Variants in RBM26 observed in about 807,000 individuals in gnomAD.
RBM26 encodes the protein RNA-binding protein 26.
Under a neutral mutation model 123.6 loss-of-function variants are expected in RBM26, and 30 were observed. That is an observed-to-expected ratio of 0.24 (90% CI 0.18 to 0.33). RBM26 has a LOEUF of 0.33. Ranked by LOEUF, RBM26 falls within the 10% of genes least tolerant of loss-of-function variation. The probability of loss-of-function intolerance (pLI) is 1.00; values close to 1 mark genes in which losing one functional copy is unlikely to be tolerated. For missense variants in RBM26, 947 were observed against 1,203.6 expected (o/e 0.79, Z 3.15); for synonymous variants, 400 against 404.4 (o/e 0.99, Z 0.13).
At chr13:79,385,475 A>C (rs923962361) in intron 1 of RBM26, among the ~76,000 whole-genome samples, 3 of 152,136 alleles carry the variant, frequency 2.0e-5, no homozygotes, top group Non-Finnish European at 4.4e-5. Flanking sequence ...ATAACACTGA[A>C]AACTATTGGC....
At chr13:79,391,031 T>G (rs950760111) in intron 1 of RBM26, among the ~76,000 whole-genome samples, 1 of 152,220 alleles carries the variant, frequency 6.6e-6, no homozygotes, top group African/African-American at 2.4e-5. Flanking sequence ...TTTATAGAGA[T>G]AACTTTGTGT....
intron 9 of RBM26, among the ~76,000 whole-genome samples, chr13:79,361,162 A>C (rs1196333677): frequency 6.6e-6 from 1 of 152,068 alleles, no homozygotes; most frequent in Non-Finnish European, 1.5e-5. Flanking sequence ...TATTTTTCTT[A>C]AACATTTCTA....
Position 79,336,404 on chromosome 13 carries a change from C to T in RBM26, c.2733+698G>A, listed in dbSNP as rs192785826. ...GATTATTTCCTTCATATCTCCAGAGCAACTACTATTAAATATAATGCTGAG... is the reference window on the plus strand; with the variant it reads ...GATTATTTCCTTCATATCTCCAGAGTAACTACTATTAAATATAATGCTGAG... On this transcript the variant is annotated intron_variant, in intron 19 of 21. Coordinates refer to ENST00000438737, the MANE Select transcript of RBM26 (RefSeq NM_001366735.2). Among the ~76,000 whole-genome samples the T allele has an allele frequency of 2.7e-3, 411 of 152,236 alleles. 3 individuals carry two copies. The highest frequency in any genetic ancestry group is 9.5e-3 in the African/African-American group (395 of 41,552).
At chr13:79,324,629 A>G (rs1303433647) in intron 20 of RBM26, among the ~76,000 whole-genome samples, 1 of 151,778 alleles carries the variant, frequency 6.6e-6, no homozygotes, top group Non-Finnish European at 1.5e-5. Context: ...TAAATTTTTC[A>G]TGTACTGGAA....
At chr13:79,339,875 T>C (rs1324062869) in intron 18 of RBM26, among the ~76,000 whole-genome samples, 3 of 152,090 alleles carry the variant, frequency 2.0e-5, no homozygotes, top group Admixed American at 6.5e-5. Context: ...ATGAACACAC[T>C]CTGGGAAGTA....
At chr13:79,358,732 A>G (rs987225398) in intron 10 of RBM26, among the ~76,000 whole-genome samples, 1 of 152,200 alleles carries the variant, frequency 6.6e-6, no homozygotes, top group Non-Finnish European at 1.5e-5. Context: ...ATCCTCTTTT[A>G]GTCAATTTGC....
At chr13:79,375,525 G>A (rs2076602690) in intron 3 of RBM26, among the ~76,000 whole-genome samples, 1 of 151,998 alleles carries the variant, frequency 6.6e-6, no homozygotes, top group Non-Finnish European at 1.5e-5. Context: ...TCCACCAGTA[G>A]GCAAAACTTG....
rs1187717036 is a variant in RBM26 at position 79,392,030 on chromosome 13, TTA to T, written c.72-13125_72-13124del. On this transcript the variant is annotated intron_variant, in intron 1 of 21. Coordinates refer to ENST00000438737, the MANE Select transcript of RBM26 (RefSeq NM_001366735.2). ...TTATATATTATACATTATTATATAA[TTA>T]TATATTATACAATACATTATTATAT... Among the ~76,000 whole-genome samples the T allele has an allele frequency of 2.9e-4, 35 of 122,266 alleles. 3 individuals carry two copies. The highest frequency in any genetic ancestry group is 1.3e-3 in the South Asian group (5 of 3,876). The allele number at this position is 122,266 out of a possible 152,430, so 80.2% of individuals were successfully genotyped here.
chr13:79,312,560 G>A (rs1431173169), exon 5 of RBM26: 1 of 151,948 alleles, frequency 6.6e-6, no homozygotes, highest in Non-Finnish European at 1.5e-5. Context: ...AGCAAAGCAG[G>A]ATTACATATT....
At position 79,371,119 on chromosome 13, in the gene RBM26, C is replaced by G; in HGVS notation, c.460G>C (p.Asp154His). 6.2e-7 allele frequency: 1 copy of G among 1,614,146 alleles called. No individual in the cohort carries two copies. Among genetic ancestry groups the G allele is most frequent in the Non-Finnish European group, 8.5e-7 (1 of 1,180,030 alleles). The change falls in exon 5 of 22, where the codon GAT becomes CAT. Residue 154 changes from aspartate (D) to histidine (H), a missense_variant. Transcript: ENST00000438737. ...CTTCGAGGAGGGTTTCGATCATAAT[C>G]TCTTTTGCGAGAACGATCATCTTTT... ...RKKDDRSRKR[D>H]YDRNPPRRDS...
At chr13:79,344,110 T>A in intron 16 of RBM26, 138 bp downstream of exon 16, 2 of 692,904 alleles carry the variant, frequency 2.9e-6, no homozygotes, top group Non-Finnish European at 5.3e-6. Flanking sequence ...GCTCTTCATC[T>A]CCAATATTAT....
intron 20 of RBM26, among the ~76,000 whole-genome samples, 163 bp downstream of exon 20, chr13:79,334,181 C>A (rs894922254): frequency 6.6e-6 from 1 of 152,152 alleles, no homozygotes; most frequent in Non-Finnish European, 1.5e-5. Flanking sequence ...TTGCTTATAA[C>A]TGCATTAGGA....
At chr13:79,354,356 C>T in intron 13 of RBM26, 83 bp downstream of exon 13, 2 of 1,133,030 alleles carry the variant, frequency 1.8e-6, no homozygotes, top group Non-Finnish European at 2.4e-6. Flanking sequence ...AAAATATATA[C>T]AATTAACTAT....
intron 1 of RBM26, among the ~76,000 whole-genome samples, chr13:79,387,123 G>A (rs372147571): frequency 1.6e-4 from 25 of 152,008 alleles, no homozygotes; most frequent in Middle Eastern, 3.4e-3. Context: ...ACACTTTTCC[G>A]GTCATGAATC....
chr13:79,393,797 G>T (rs538757517), intron 1 of RBM26, among the ~76,000 whole-genome samples: 30 of 152,170 alleles, frequency 2.0e-4, no homozygotes, highest in Non-Finnish European at 3.7e-4. Flanking sequence ...TGGGCAGGAG[G>T]CTCACGAGAA....
intron 3 of RBM26, among the ~76,000 whole-genome samples, chr13:79,373,434 T>A (rs369024045): frequency 0.023 from 334 of 14,712 alleles, 16 homozygotes; most frequent in South Asian, 0.045. Context: ...AATATAAATA[T>A]ATATTATATA....
intron 8 of RBM26, 47 bp from the exon 9 acceptor site, chr13:79,365,765 T>G (rs367700658): frequency 5.8e-6 from 9 of 1,547,262 alleles, no homozygotes; most frequent in Non-Finnish European, 7.9e-6. Flanking sequence ...AAAACTCCAC[T>G]TGGTAATTTT....
downstream of RBM26, among the ~76,000 whole-genome samples, chr13:79,317,651 GACA>G (rs750083402): frequency 3.3e-5 from 5 of 151,690 alleles, no homozygotes; most frequent in Non-Finnish European, 5.9e-5. Flanking sequence ...CTCTGAAACA[GACA>G]ACATTTATTA....
At chr13:79,326,048 T>C (rs2068362038) in intron 20 of RBM26, among the ~76,000 whole-genome samples, 1 of 152,180 alleles carries the variant, frequency 6.6e-6, no homozygotes. Context: ...AGAGTGTAGG[T>C]GTGTAGTAGG....
Sources: allele counts gnomAD v4.1 joint callset (sites outside exome capture counted in the v4.1 genomes callset), GRCh38; gene constraint gnomAD v4.1.1; transcripts MANE v1.5; gene names NCBI Gene and HGNC (gene_info 2026-07-23, HGNC 2026-07-21).